MAST4: variants seen among roughly 807,000 people sequenced by gnomAD.
MAST4 encodes the protein microtubule associated serine/threonine kinase family member 4.
A neutral mutation model predicts 162.7 loss-of-function variants in MAST4; 89 were observed. That is an observed-to-expected ratio of 0.55 (90% CI 0.46 to 0.65). MAST4 has a LOEUF of 0.65. Ranked by LOEUF, MAST4 falls within the 30% of genes least tolerant of loss-of-function variation. MAST4 has a pLI of 0.00. For missense variants in MAST4, 3,153 were observed against 3,374.0 expected (o/e 0.93, Z 1.62); for synonymous variants, 1,479 against 1,361.1 (o/e 1.09, Z -1.91).
intron 4 of MAST4, among the ~76,000 whole-genome samples, chr5:66,974,782 A>C (rs976103085): frequency 2.0e-5 from 3 of 152,224 alleles, no homozygotes; most frequent in African/African-American, 7.2e-5. Context: ...TCTGTACATA[A>C]TACCTTGAAA....
chr5:66,976,126 G>A (rs1360551141), intron 4 of MAST4, among the ~76,000 whole-genome samples: 1 of 152,210 alleles, frequency 6.6e-6, no homozygotes, highest in Non-Finnish European at 1.5e-5. Context: ...TACCTCATGG[G>A]ATCATTGCGT....
intron 2 of MAST4, among the ~76,000 whole-genome samples, chr5:66,774,660 C>T (rs1580419724): frequency 6.6e-6 from 1 of 151,962 alleles, no homozygotes; most frequent in Non-Finnish European, 1.5e-5. Flanking sequence ...GGACTTTTTC[C>T]TTGTATCCTC....
rs565881463 is a variant in MAST4 at position 66,840,111 on chromosome 5, C to T, written c.642+51317C>T. Among the ~76,000 whole-genome samples the T allele has an allele frequency of 2.4e-3, 372 of 151,868 alleles. 3 individuals carry two copies. Among genetic ancestry groups the T allele is most frequent in the South Asian group, 0.021 (102 of 4,806 alleles). On this transcript the variant is annotated intron_variant, in intron 3 of 28. Transcript: ENST00000403625. ...CTCAGGAAAGTGGTAGGAAGTCAGA[C>T]GTAGAATCTGTAACAACTAGCTCAA...
At chr5:66,896,384 G>A (rs1377253545) in intron 3 of MAST4, among the ~76,000 whole-genome samples, 1 of 152,148 alleles carries the variant, frequency 6.6e-6, no homozygotes. Context: ...CTCAGTTACA[G>A]TGGTATCTGT....
chr5:66,706,960 G>A (rs4700160), intron 1 of MAST4, among the ~76,000 whole-genome samples: 53,517 of 152,124 alleles, frequency 0.35, 10,091 homozygotes, highest in East Asian at 0.58. Context: ...TGCGGATGCC[G>A]TGCTAGCCTT....
At chr5:66,821,794 C>T (rs1394511617) in intron 3 of MAST4, among the ~76,000 whole-genome samples, 3 of 152,038 alleles carry the variant, frequency 2.0e-5, no homozygotes, top group Non-Finnish European at 4.4e-5. Flanking sequence ...CCCTCCTCAG[C>T]CTTGAGCATG....
At chr5:66,617,468 A>G (rs1743768722) in intron 1 of MAST4, among the ~76,000 whole-genome samples, 1 of 145,094 alleles carries the variant, frequency 6.9e-6, no homozygotes. Flanking sequence ...AAAAGCAGAG[A>G]AGGGTTATTT....
chr5:66,829,652 C>G (rs1044208239), intron 3 of MAST4, among the ~76,000 whole-genome samples: 1 of 151,912 alleles, frequency 6.6e-6, no homozygotes, highest in Admixed American at 6.6e-5. Context: ...TGATATTTTT[C>G]TTTGTGAAAG....
intron 3 of MAST4, among the ~76,000 whole-genome samples, chr5:66,822,644 T>G (rs1213459562): frequency 6.6e-6 from 1 of 152,228 alleles, no homozygotes. Flanking sequence ...GTTTCCCCTC[T>G]AAAGTAGCTG....
At chr5:66,935,772 A>G (rs1457081655) in intron 4 of MAST4, among the ~76,000 whole-genome samples, 1 of 151,682 alleles carries the variant, frequency 6.6e-6, no homozygotes, top group East Asian at 1.9e-4. Flanking sequence ...GGTTCAAGCA[A>G]TTCTCCTGCC....
chr5:66,917,051 T>C, intron 4 of MAST4: 1 of 717,698 alleles, frequency 1.4e-6, no homozygotes. Flanking sequence ...TAGCTATCAC[T>C]TTACCCAAAA....
At chr5:66,943,703 A>T (rs1743628712) in intron 4 of MAST4, among the ~76,000 whole-genome samples, 1 of 152,016 alleles carries the variant, frequency 6.6e-6, no homozygotes, top group Non-Finnish European at 1.5e-5. Context: ...CTCTTCAGGA[A>T]CACTAGGATA....
intron 1 of MAST4, among the ~76,000 whole-genome samples, chr5:66,690,611 C>A (rs746750529): frequency 2.0e-5 from 3 of 152,138 alleles, no homozygotes; most frequent in Non-Finnish European, 4.4e-5. Context: ...TTCATCCAAG[C>A]AATTTTAGCC....
At chr5:66,747,480 A>T (rs548684267) in intron 1 of MAST4, among the ~76,000 whole-genome samples, 1 of 152,322 alleles carries the variant, frequency 6.6e-6, no homozygotes, top group African/African-American at 2.4e-5. Flanking sequence ...ATGGACATTC[A>T]TTGAGAAAGT....
At chr5:66,938,500 G>C (rs975741204) in intron 4 of MAST4, among the ~76,000 whole-genome samples, 11 of 152,180 alleles carry the variant, frequency 7.2e-5, no homozygotes, top group African/African-American at 2.4e-4. Flanking sequence ...CAATGGTAAT[G>C]ATTGTGTTCT....
intron 4 of MAST4, among the ~76,000 whole-genome samples, chr5:66,923,571 T>A (rs1170617546): frequency 1.3e-5 from 2 of 152,236 alleles, no homozygotes; most frequent in Non-Finnish European, 2.9e-5. Context: ...CTCTTTTTCC[T>A]GTTTTTTTAT....
chr5:66,661,533 T>C (rs1000253810), intron 1 of MAST4, among the ~76,000 whole-genome samples: 2 of 152,196 alleles, frequency 1.3e-5, no homozygotes, highest in African/African-American at 4.8e-5. Flanking sequence ...TCTTCTGAAA[T>C]AACTCTGAAC....
At chr5:67,076,448 C>T (rs1761658377) in intron 5 of MAST4, among the ~76,000 whole-genome samples, 1 of 152,188 alleles carries the variant, frequency 6.6e-6, no homozygotes, top group Non-Finnish European at 1.5e-5. Context: ...CACCTCAAAT[C>T]CAGCTGTTAC....
At chr5:67,023,554 T>C (rs1406176716) in intron 4 of MAST4, among the ~76,000 whole-genome samples, 1 of 152,172 alleles carries the variant, frequency 6.6e-6, no homozygotes, top group African/African-American at 2.4e-5. Flanking sequence ...GAGAAAGTCT[T>C]TCTGTGGACC....
Sources: allele counts gnomAD v4.1 joint callset (sites outside exome capture counted in the v4.1 genomes callset), GRCh38; gene constraint gnomAD v4.1.1; transcripts MANE v1.5; gene names NCBI Gene and HGNC (gene_info 2026-07-23, HGNC 2026-07-21).